GPATCH2L: variants seen among roughly 807,000 people sequenced by gnomAD.
GPATCH2L encodes G patch domain-containing protein 2-like.
A neutral mutation model predicts 57.4 loss-of-function variants in GPATCH2L; 31 were observed. The ratio of observed to expected loss-of-function variants is 0.54; its 90% CI spans 0.41 to 0.73. The LOEUF (loss-of-function observed/expected upper bound fraction) is 0.73, where lower values mean the gene tolerates loss of function less well. Among genes scored for constraint, GPATCH2L ranks in the 30% least tolerant of loss-of-function variants. GPATCH2L has a pLI of 0.00. For synonymous variants in GPATCH2L, 199 were observed against 210.7 expected, an observed-to-expected ratio of 0.94 and a Z score of 0.48; for missense variants, 481 against 599.9, an observed-to-expected ratio of 0.80 and a Z score of 2.07.
chr14:76,198,049 T>G (rs1474231787), intron 9 of GPATCH2L, among the ~76,000 whole-genome samples: 1 of 152,170 alleles, frequency 6.6e-6, no homozygotes, highest in Admixed American at 6.5e-5. Context: ...ATGTCTTCCT[T>G]GCCTTTTTGT....
chr14:76,196,216 C>A, intron 9 of GPATCH2L: 3 of 631,006 alleles, frequency 4.8e-6, no homozygotes, highest in Non-Finnish European at 5.7e-6. Flanking sequence ...TCAGCAATCT[C>A]CAGTCATCTG....
chr14:76,221,041 T>C (rs964368311), intron 1 of GPATCH2L, among the ~76,000 whole-genome samples: 2 of 148,050 alleles, frequency 1.4e-5, no homozygotes, highest in Admixed American at 6.7e-5. Context: ...GCAAGACTGA[T>C]TTAAAAAAAA....
chr14:76,222,014 T>C (rs1240998798), intron 1 of GPATCH2L, among the ~76,000 whole-genome samples: 1 of 152,224 alleles, frequency 6.6e-6, no homozygotes, highest in African/African-American at 2.4e-5. Context: ...GATAATGTGT[T>C]GATTGTAACA....
intron 2 of GPATCH2L, among the ~76,000 whole-genome samples, chr14:76,156,833 A>G (rs894886362): frequency 8.5e-5 from 13 of 152,200 alleles, no homozygotes; most frequent in African/African-American, 3.1e-4. Context: ...CTCCAGATGC[A>G]GAGCCTGTTT....
Position 76,154,297 on chromosome 14 carries a change from C to CTTTCTT in GPATCH2L, c.-10-42_-10-37dup, listed in dbSNP as rs765791957. 21 of 1,370,366 alleles carry CTTTCTT rather than the reference C, an allele frequency of 1.5e-5. No homozygotes were observed. The East Asian group carries it at 3.5e-4, about 23-fold the overall frequency. The allele number at this position is 1,370,366 out of a possible 1,614,324, so 84.9% of individuals were successfully genotyped here. A position where few individuals can be genotyped will look rare whatever the true frequency, so the allele number is the denominator to read the frequency against. ...CCAAAACAACAGATCCTTTTTCAGG[C>CTTTCTT]TTTCTTTTTCTTTTTCTTTTCTTTC... On this transcript the variant is annotated intron_variant, in intron 1 of 9. Coordinates refer to ENST00000261530, the MANE Select transcript of GPATCH2L (RefSeq NM_017926.4). This position sits in a 1 kb window ranked among gnomAD's most constrained non-coding sequence, Gnocchi z 4.4.
intron 9 of GPATCH2L, among the ~76,000 whole-genome samples, chr14:76,197,443 G>A (rs1594990557): frequency 6.6e-6 from 1 of 152,108 alleles, no homozygotes; most frequent in African/African-American, 2.4e-5. Context: ...GTGGGGGTGG[G>A]TATTAAACAA....
chr14:76,233,545 A>G (rs1338968125), intron 2 of GPATCH2L, among the ~76,000 whole-genome samples: 3 of 151,596 alleles, frequency 2.0e-5, no homozygotes, highest in Non-Finnish European at 4.4e-5. Flanking sequence ...CCGTCAATCA[A>G]CTCCTGGGAA....
At chr14:76,219,266 G>A (rs189220963), downstream of GPATCH2L, among the ~76,000 whole-genome samples, 74 of 152,186 alleles carry the variant, frequency 4.9e-4, no homozygotes, top group Middle Eastern at 3.4e-3. Context: ...AAACACATTA[G>A]CAATCCAGTA....
chr14:76,191,388 A>G (rs2039958203), intron 8 of GPATCH2L, among the ~76,000 whole-genome samples: 1 of 152,112 alleles, frequency 6.6e-6, no homozygotes, highest in Admixed American at 6.6e-5. Flanking sequence ...AAAAACTGGA[A>G]CTGTCTTGTC....
chr14:76,178,473 C>T (rs1474033129), intron 7 of GPATCH2L: 2 of 262,594 alleles, frequency 7.6e-6, no homozygotes, highest in African/African-American at 2.3e-5. Flanking sequence ...GATTCAAATG[C>T]ATTACATTTA....
At position 76,207,964 on chromosome 14, in the gene GPATCH2L, A is replaced by G. The variant is rs1336719346; in HGVS notation, c.*6113A>G. On this transcript the variant is annotated 3_prime_UTR_variant, in exon 10 of 10. Coordinates refer to ENST00000261530, the MANE Select transcript of GPATCH2L (RefSeq NM_017926.4). ...GAGTTCATTGTGTTTGCAAAGGTGT[A>G]CTAGGAGTTCTCATTTCCTCAGATG... The G allele has an allele frequency of 6.6e-6, 1 of 152,202 alleles. No homozygotes were observed. The highest frequency in any genetic ancestry group is 1.5e-5 in the Non-Finnish European group (1 of 68,028). The allele number at this position is 152,202 out of a possible 1,614,324, so 9.4% of individuals were successfully genotyped here.
intron 1 of GPATCH2L, among the ~76,000 whole-genome samples, chr14:76,223,328 C>G (rs112828290): frequency 7.2e-5 from 11 of 152,208 alleles, no homozygotes; most frequent in African/African-American, 2.4e-4. Flanking sequence ...TGTTTTCAAC[C>G]CATTCAACTG....
intron 2 of GPATCH2L, among the ~76,000 whole-genome samples, chr14:76,159,419 C>A (rs192892181): frequency 2.6e-5 from 4 of 152,282 alleles, no homozygotes; most frequent in African/African-American, 9.6e-5. Flanking sequence ...GCATAGATTA[C>A]CCTTGGTCCC....
intron 9 of GPATCH2L, 66 bp from the exon 10 acceptor site, chr14:76,201,625 C>G (rs2040311932): frequency 7.8e-7 from 1 of 1,282,590 alleles, no homozygotes; most frequent in Admixed American, 2.7e-5. Context: ...ATCTCTCATT[C>G]TAATTTGTCT....
rs2040393131 is a variant in GPATCH2L at position 76,207,552 on chromosome 14, A to AT, written c.*5701_*5702insT. Reference sequence around the variant, plus strand: ...AATGAAAAAAAAAATTGGAAGAAAAAAACACCTTGGGTACATAGATGTGTA... The same window carrying AT: ...AATGAAAAAAAAAATTGGAAGAAAAATAACACCTTGGGTACATAGATGTGTA... On this transcript the variant is annotated 3_prime_UTR_variant, in exon 10 of 10. Coordinates refer to ENST00000261530, the MANE Select transcript of GPATCH2L (RefSeq NM_017926.4). 6.6e-6 allele frequency: 1 copy of AT among 152,146 alleles called. No homozygotes were observed. The highest frequency in any genetic ancestry group is 2.4e-5 in the African/African-American group (1 of 41,424). 9.4% of individuals were successfully genotyped at this position (152,146 alleles called of 1,614,324 possible). A position where few individuals can be genotyped will look rare whatever the true frequency, so the allele number is the denominator to read the frequency against.
At chr14:76,231,982 C>A (rs1263443783) in intron 2 of GPATCH2L, among the ~76,000 whole-genome samples, 1 of 152,068 alleles carries the variant, frequency 6.6e-6, no homozygotes, top group South Asian at 2.1e-4. Flanking sequence ...AGCCTCACTG[C>A]AGCCTCACTG....
In GPATCH2L at chr14:76,207,247, T is replaced by C. The variant is rs1023092523; in HGVS notation, c.*5396T>C. The C allele has an allele frequency of 6.6e-6, 1 of 152,150 alleles. No homozygotes were observed. Among genetic ancestry groups the C allele is most frequent in the African/African-American group, 2.4e-5 (1 of 41,434 alleles). The allele number at this position is 152,150 out of a possible 1,614,324, so 9.4% of individuals were successfully genotyped here. A position where few individuals can be genotyped will look rare whatever the true frequency, so the allele number is the denominator to read the frequency against. Reference sequence around the variant, plus strand: ...AGGAGGATCACTCAAGCCCAGGAGGTTGAGGGTGCAGTGAGCCATGATCTG... The same window carrying C: ...AGGAGGATCACTCAAGCCCAGGAGGCTGAGGGTGCAGTGAGCCATGATCTG... On this transcript the variant is annotated 3_prime_UTR_variant, in exon 10 of 10. Coordinates refer to ENST00000261530, the MANE Select transcript of GPATCH2L (RefSeq NM_017926.4).
chr14:76,163,012 A>G (rs1375572947), intron 2 of GPATCH2L, among the ~76,000 whole-genome samples: 5 of 152,198 alleles, frequency 3.3e-5, no homozygotes, highest in African/African-American at 1.2e-4. Context: ...CTTCAGGAGA[A>G]TGAACAGTCC....
chr14:76,169,602 A>G (rs187275334), intron 3 of GPATCH2L, among the ~76,000 whole-genome samples: 3 of 152,300 alleles, frequency 2.0e-5, no homozygotes, highest in Admixed American at 6.5e-5. Context: ...CTGCTGGTCT[A>G]TGTGGTCTCA....
Sources: gnomAD v4.1 joint callset for allele counts (sites outside exome capture counted in the v4.1 genomes callset) on GRCh38, gnomAD v4.1.1 for gene constraint, Gnocchi (gnomAD v3.1) non-coding constraint, MANE v1.5 for transcripts, NCBI Gene and HGNC (gene_info 2026-07-23, HGNC 2026-07-21) for gene names.